The following SLC1A1 variants were observed in gnomAD, a reference collection of about 807,000 sequenced individuals.
SLC1A1 encodes the protein excitatory amino acid transporter 3.
In SLC1A1, 43 loss-of-function variants were observed where a neutral mutation model predicts 53.3. The observed-to-expected ratio is 0.81, with a 90% CI of 0.63 to 1.04. SLC1A1 has a LOEUF of 1.04. SLC1A1 is among the 50% of genes least tolerant of loss of function. SLC1A1 has a pLI of 0.00. For missense variants in SLC1A1, 748 were observed against 664.9 expected (o/e 1.12, Z -1.37); for synonymous variants, 307 against 243.2 (o/e 1.26, Z -2.44).
chr9:4,582,533 T>A (rs980374347), intron 10 of SLC1A1, among the ~76,000 whole-genome samples: 2 of 152,228 alleles, frequency 1.3e-5, no homozygotes, highest in Non-Finnish European at 2.9e-5. Context: ...ACAACTATCC[T>A]TCTGTCCATC....
At chr9:4,564,512 C>A in intron 4 of SLC1A1, 54 bp downstream of exon 4, 3 of 982,336 alleles carry the variant, frequency 3.1e-6, no homozygotes, top group Non-Finnish European at 4.9e-6. Context: ...CAGCACAAGG[C>A]CTTGTATGTG....
intron 4 of SLC1A1, 122 bp from the exon 5 acceptor site, chr9:4,565,922 AAGC>A: frequency 1.2e-6 from 1 of 803,188 alleles, no homozygotes; most frequent in South Asian, 1.4e-5. Context: ...GTATTACGCA[AAGC>A]AGGGGCCAGA....
intron 1 of SLC1A1, among the ~76,000 whole-genome samples, chr9:4,512,373 T>A (rs969573966): frequency 6.6e-5 from 10 of 152,026 alleles, no homozygotes; most frequent in Admixed American, 6.6e-4. Flanking sequence ...CCAGGCATGG[T>A]GGCATGCGCC....
chr9:4,553,959 C>G, intron 2 of SLC1A1: 1 of 152,110 alleles, frequency 6.6e-6, no homozygotes, highest in Non-Finnish European at 1.5e-5. Flanking sequence ...TCCCTATGCC[C>G]TGGATTAACA....
At chr9:4,533,462 A>G (rs981537334) in intron 1 of SLC1A1, among the ~76,000 whole-genome samples, 1 of 152,208 alleles carries the variant, frequency 6.6e-6, no homozygotes, top group Non-Finnish European at 1.5e-5. Context: ...CAAAAGAGAC[A>G]AAGAAGGCCA....
intron 1 of SLC1A1, among the ~76,000 whole-genome samples, chr9:4,518,689 C>G (rs1815952390): frequency 6.6e-6 from 1 of 152,144 alleles, no homozygotes; most frequent in Admixed American, 6.5e-5. Context: ...CTATCAGTCC[C>G]ATTCTGTCCA....
intron 1 of SLC1A1, among the ~76,000 whole-genome samples, chr9:4,504,244 G>A (rs1218145427): frequency 6.6e-6 from 1 of 152,168 alleles, no homozygotes; most frequent in Non-Finnish European, 1.5e-5. Context: ...AACCCTGGAT[G>A]GTAGAGCCTT....
chr9:4,545,187 A>ACGTCTCTCTC (rs1482539598), intron 2 of SLC1A1, among the ~76,000 whole-genome samples: 4 of 48,996 alleles, frequency 8.2e-5, no homozygotes, highest in African/African-American at 2.5e-4. Context: ...AATACATTAG[A>ACGTCTCTCTC]TGTCTCTCTC....
intron 1 of SLC1A1, among the ~76,000 whole-genome samples, chr9:4,492,330 G>A (rs1398983708): frequency 6.6e-6 from 1 of 152,088 alleles, no homozygotes; most frequent in African/African-American, 2.4e-5. Context: ...TGAAGACTGA[G>A]AGATGCCAGG....
At chr9:4,570,043 C>A (rs1586825963) in intron 6 of SLC1A1, among the ~76,000 whole-genome samples, 2 of 152,156 alleles carry the variant, frequency 1.3e-5, no homozygotes, top group East Asian at 3.9e-4. Flanking sequence ...TGCAAAGGCC[C>A]AGTGCATGAT....
At chr9:4,552,079 C>G (rs866212370) in intron 2 of SLC1A1, among the ~76,000 whole-genome samples, 3 of 152,184 alleles carry the variant, frequency 2.0e-5, no homozygotes, top group African/African-American at 7.2e-5. Context: ...AGGTATTAGA[C>G]TTGTTCATAG....
intron 1 of SLC1A1, among the ~76,000 whole-genome samples, chr9:4,532,384 G>A (rs898045894): frequency 1.3e-5 from 2 of 152,128 alleles, no homozygotes; most frequent in African/African-American, 2.4e-5. Context: ...TGATGAAGCT[G>A]AAAACCAAGG....
chr9:4,535,148 AAGAC>A (rs1294209727), intron 1 of SLC1A1, among the ~76,000 whole-genome samples: 20 of 152,310 alleles, frequency 1.3e-4, no homozygotes, highest in Admixed American at 1.2e-3. Flanking sequence ...AAATTGGCAC[AAGAC>A]AGAGATGACC....
intron 1 of SLC1A1, among the ~76,000 whole-genome samples, chr9:4,495,994 A>G (rs1820401844): frequency 6.6e-6 from 1 of 152,106 alleles, no homozygotes; most frequent in African/African-American, 2.4e-5. Flanking sequence ...TGGCTAAGTG[A>G]GTCTGGTGCT....
At chr9:4,566,944 G>GATTTGA in intron 5 of SLC1A1, among the ~76,000 whole-genome samples, 1 of 152,116 alleles carries the variant, frequency 6.6e-6, no homozygotes. Context: ...CAACTCTGTT[G>GATTTGA]CTCTCTGCCG....
chr9:4,547,024 G>A (rs1274711111), intron 2 of SLC1A1, among the ~76,000 whole-genome samples: 1 of 152,162 alleles, frequency 6.6e-6, no homozygotes, highest in Non-Finnish European at 1.5e-5. Context: ...AGGTAAAACA[G>A]GTTTTAGAAG....
chr9:4,585,171 C>G (rs758076893), intron 11 of SLC1A1, 141 bp from the exon 12 acceptor site: 6 of 1,084,792 alleles, frequency 5.5e-6, no homozygotes, highest in South Asian at 2.8e-5. Flanking sequence ...CTGTGAGGAG[C>G]CTTCAGTCAG....
intron 1 of SLC1A1, among the ~76,000 whole-genome samples, chr9:4,509,714 G>A (rs958470822): frequency 2.6e-5 from 4 of 152,188 alleles, no homozygotes; most frequent in Admixed American, 6.5e-5. Flanking sequence ...AGGGTGAATC[G>A]GAGGGCAAAT....
intron 1 of SLC1A1, among the ~76,000 whole-genome samples, chr9:4,517,105 C>T (rs1281531105): frequency 1.3e-5 from 2 of 152,114 alleles, no homozygotes; most frequent in Non-Finnish European, 2.9e-5. Context: ...AATAAAATAA[C>T]GTATTATAAA....
Sources: allele counts gnomAD v4.1 joint callset (sites outside exome capture counted in the v4.1 genomes callset), GRCh38; gene constraint gnomAD v4.1.1; transcripts MANE v1.5; gene names NCBI Gene and HGNC (gene_info 2026-07-23, HGNC 2026-07-21).